LRP6: variants seen among roughly 807,000 people sequenced by gnomAD.
LRP6 encodes the protein low-density lipoprotein receptor-related protein 6.
In LRP6, 43 loss-of-function variants were observed where a neutral mutation model predicts 184.1. The observed-to-expected ratio is 0.23, with a 90% CI of 0.18 to 0.30. The LOEUF (loss-of-function observed/expected upper bound fraction) is 0.30. LRP6 is among the 10% of genes least tolerant of loss of function. The pLI is 1.00. For missense variants in LRP6, 1,571 were observed against 2,005.3 expected (o/e 0.78, Z 4.14); for synonymous variants, 719 against 684.9 (o/e 1.05, Z -0.78).
At chr12:12,257,529 C>T (rs188579226) in intron 1 of LRP6, among the ~76,000 whole-genome samples, 2 of 144,536 alleles carry the variant, frequency 1.4e-5, no homozygotes, top group Middle Eastern at 3.7e-3. Flanking sequence ...TGCAGTGAGC[C>T]GAGATCACGC....
intron 20 of LRP6, 139 bp from the exon 21 acceptor site, chr12:12,125,571 A>C: frequency 1.3e-6 from 1 of 773,540 alleles, no homozygotes; most frequent in South Asian, 1.7e-5. Flanking sequence ...TTTTCCTATA[A>C]TTGAAAACAT....
chr12:12,263,377 C>T (rs1324523925), intron 1 of LRP6, among the ~76,000 whole-genome samples: 1 of 151,168 alleles, frequency 6.6e-6, no homozygotes, highest in Non-Finnish European at 1.5e-5. Flanking sequence ...AGATGGAGAC[C>T]ATCCTGGCTA....
At chr12:12,177,500 G>A (rs555310460) in intron 7 of LRP6, among the ~76,000 whole-genome samples, 2 of 152,278 alleles carry the variant, frequency 1.3e-5, no homozygotes, top group East Asian at 1.9e-4. Context: ...GTCTCAGGAT[G>A]GAAAACCCCA....
Position 12,138,504 on chromosome 12 carries a change from T to G in LRP6, c.3428A>C (p.Asn1143Thr). 6.2e-7 allele frequency: 1 copy of G among 1,614,116 alleles called. No homozygotes were observed. Among genetic ancestry groups the G allele is most frequent in the Non-Finnish European group, 8.5e-7 (1 of 1,179,984 alleles). The change falls in exon 16 of 23, where the codon AAT (asparagine) becomes ACT (threonine). Residue 1143 changes from asparagine (N) to threonine (T), a missense_variant. Asn to Thr is a moderately conservative substitution (Grantham distance 65). Coordinates refer to ENST00000261349, the MANE Select transcript of LRP6 (RefSeq NM_002336.3). ...AGTAAGTCCCACAGGCTGCAAGATA[T>G]TGGAGTCTTCTAATACTATCCGGTT... ...GANRIVLEDS[N>T]ILQPVGLTVF...
chr12:12,198,959 T>C (rs1863843652), intron 3 of LRP6, among the ~76,000 whole-genome samples: 1 of 151,948 alleles, frequency 6.6e-6, no homozygotes, highest in African/African-American at 2.4e-5. Context: ...AAAGATTGAC[T>C]TTTCCAGAAA....
At chr12:12,263,478 C>T (rs150591727) in intron 1 of LRP6, among the ~76,000 whole-genome samples, 3 of 148,592 alleles carry the variant, frequency 2.0e-5, no homozygotes, top group African/African-American at 7.5e-5. Context: ...GTGAACCCGG[C>T]AGGCAGAGCT....
At position 12,160,396 on chromosome 12, in the gene LRP6, T is replaced by C. The variant is rs563561062; in HGVS notation, c.2280-432A>G. On this transcript the variant is annotated intron_variant, in intron 10 of 22. Coordinates refer to ENST00000261349, the MANE Select transcript of LRP6 (RefSeq NM_002336.3). ...TTTTTAATATGCTGAACTTACTTTT[T>C]GACTTGTGTAATCAACTCTTCCTCA... 3.3e-5 allele frequency among the ~76,000 whole-genome samples: 5 copies of C among 152,370 alleles called. No individual in the cohort carries two copies. The South Asian group carries it at 1.0e-3, about 32-fold the overall frequency.
At chr12:12,227,280 G>A (rs1052102717) in intron 2 of LRP6, among the ~76,000 whole-genome samples, 2 of 152,026 alleles carry the variant, frequency 1.3e-5, no homozygotes, top group South Asian at 2.1e-4. Flanking sequence ...GTAGACCTGC[G>A]TTTTAAGAAA....
rs1235453138 is a variant in LRP6, at chr12:12,244,263, C to G, written c.448G>C (p.Gly150Arg). Residue 150 changes from glycine to arginine, a missense_variant and splice_region_variant, in exon 2 of 23, where the codon GGG becomes CGG. By Grantham distance (125) the Gly-to-Arg change is moderately radical. Around this residue, in one of 4 missense-constraint regions of LRP6, gnomAD observed 640 missense variants for 851.9 expected, o/e 0.75. Transcript: ENST00000261349. Reference protein sequence around the residue: ...PRAIALDPSSGFMYWTDWGEV... With the variant: ...PRAIALDPSSRFMYWTDWGEV... Reference sequence around the variant, plus strand: ...TTCGTACACTGTACAAAAACTTACCCACTTGAAGGATCTAAGGCAATAGCT... The same window carrying G: ...TTCGTACACTGTACAAAAACTTACCGACTTGAAGGATCTAAGGCAATAGCT... 1 of 1,614,104 alleles carries G rather than the reference C, an allele frequency of 6.2e-7. No homozygotes were observed. Among genetic ancestry groups the G allele is most frequent in the Non-Finnish European group, 8.5e-7 (1 of 1,180,024 alleles).
chr12:12,239,669 T>A (rs1865011325), intron 2 of LRP6, among the ~76,000 whole-genome samples: 1 of 148,360 alleles, frequency 6.7e-6, no homozygotes, highest in South Asian at 2.1e-4. Context: ...TTCTTTTTCT[T>A]TTTTTTTTTT....
intron 1 of LRP6, among the ~76,000 whole-genome samples, chr12:12,260,924 CATT>C (rs1279685212): frequency 6.6e-6 from 1 of 152,176 alleles, no homozygotes; most frequent in Non-Finnish European, 1.5e-5. Flanking sequence ...TAGCACTAAA[CATT>C]ATTTTTCCAG....
intron 2 of LRP6, among the ~76,000 whole-genome samples, chr12:12,224,294 A>G (rs1387446859): frequency 1.3e-5 from 2 of 152,188 alleles, no homozygotes; most frequent in African/African-American, 2.4e-5. Flanking sequence ...TTCTACATAT[A>G]TAACATCTTA....
chr12:12,155,643 A>C (rs949041528), intron 12 of LRP6: 7 of 927,934 alleles, frequency 7.5e-6, no homozygotes, highest in Non-Finnish European at 1.2e-5. Context: ...AAAAGAAAGA[A>C]GCCAAAGAGA....
intron 1 of LRP6, among the ~76,000 whole-genome samples, chr12:12,258,423 T>C (rs568968800): frequency 6.6e-6 from 1 of 152,358 alleles, no homozygotes; most frequent in Admixed American, 6.5e-5. Flanking sequence ...TTGTAATCGT[T>C]ACAAATTTAT....
intron 2 of LRP6, among the ~76,000 whole-genome samples, chr12:12,238,483 T>C (rs936781420): frequency 1.3e-5 from 2 of 151,976 alleles, no homozygotes; most frequent in South Asian, 2.1e-4. Flanking sequence ...AGACACAGGG[T>C]AGACAAAGCT....
chr12:12,266,243 C>G (rs947907276), intron 1 of LRP6, among the ~76,000 whole-genome samples: 2 of 152,120 alleles, frequency 1.3e-5, no homozygotes, highest in Admixed American at 6.6e-5. Flanking sequence ...TAAGAAACAC[C>G]GAAACGGGGT....
In LRP6 at chr12:12,131,887, C is replaced by T. The variant is rs1479902267; in HGVS notation, c.3904G>A (p.Asp1302Asn). 7 of 1,614,092 alleles carry T rather than the reference C, an allele frequency of 4.3e-6. No homozygotes were observed. The highest frequency in any genetic ancestry group is 5.9e-6 in the Non-Finnish European group (7 of 1,180,046). The change falls in exon 18 of 23, where the codon GAT becomes AAT. Residue 1302 changes from aspartate (D) to asparagine (N), a missense_variant. By Grantham distance (23) the Asp-to-Asn change is conservative (BLOSUM62 1). Around this residue, in one of 4 missense-constraint regions of LRP6, gnomAD observed 763 missense variants for 859.5 expected, o/e 0.89. Transcript: ENST00000261349. ...QFQCASGQCI[D>N]GALRCNGDAN... ...TCTCCATTGCATCGGAGGGCACCAT[C>T]AATACACTGCCCACTGGCACACTGG...
chr12:12,147,958 G>A (rs529534610), intron 14 of LRP6, among the ~76,000 whole-genome samples: 21 of 151,362 alleles, frequency 1.4e-4, no homozygotes, highest in Middle Eastern at 3.4e-3. Context: ...CTGGGTGATC[G>A]AGCCAAACCT....
chr12:12,172,832 T>C (rs1477708280), intron 7 of LRP6, among the ~76,000 whole-genome samples: 1 of 152,210 alleles, frequency 6.6e-6, no homozygotes, highest in South Asian at 2.1e-4. Flanking sequence ...AGAAATGCTT[T>C]GGACCCAGTA....
Sources: allele counts gnomAD v4.1 joint callset (sites outside exome capture counted in the v4.1 genomes callset), GRCh38; gene constraint gnomAD v4.1.1; regional missense constraint gnomAD v4.1.1; transcripts MANE v1.5; gene names NCBI Gene and HGNC (gene_info 2026-07-23, HGNC 2026-07-21).